Variants in ST8SIA1 observed in about 807,000 individuals in gnomAD.
The protein encoded by ST8SIA1 is ST8 alpha-N-acetyl-neuraminide alpha-2,8-sialyltransferase 1, also known as alpha-N-acetylneuraminide alpha-2,8-sialyltransferase.
In ST8SIA1, 16 loss-of-function variants were observed where a neutral mutation model predicts 35.9. That is an observed-to-expected ratio of 0.45 (90% CI 0.30 to 0.68). ST8SIA1 has a LOEUF of 0.68. ST8SIA1 is among the 30% of genes least tolerant of loss of function. The pLI is 0.09. For synonymous variants in ST8SIA1, 170 were observed against 169.6 expected (o/e 1.00, Z -0.02); for missense variants, 383 against 453.6 (o/e 0.84, Z 1.41).
At chr12:22,269,861 T>C (rs1038973126) in intron 2 of ST8SIA1, among the ~76,000 whole-genome samples, 1 of 152,222 alleles carries the variant, frequency 6.6e-6, no homozygotes, top group African/African-American at 2.4e-5. Context: ...CTGATACATA[T>C]AGCCTGGAGC....
At chr12:22,225,983 G>T (rs995495705) in intron 4 of ST8SIA1, among the ~76,000 whole-genome samples, 2 of 152,170 alleles carry the variant, frequency 1.3e-5, no homozygotes, top group South Asian at 4.1e-4. Flanking sequence ...GCTGGTTTTG[G>T]AATATTTACC....
Position 22,249,111 on chromosome 12 carries a change from G to A in ST8SIA1, c.492-13C>T. ...AGGGAGATTGCATCTAGAGAAACAA[G>A]AACAAACATTTTGGAACAATTTGCA... On this transcript the variant is annotated splice_polypyrimidine_tract_variant and intron_variant, in intron 3 of 4. Transcript: ENST00000396037. 6.4e-7 allele frequency: 1 copy of A among 1,568,010 alleles called. No homozygotes were observed. The highest frequency in any genetic ancestry group is 8.8e-7 in the Non-Finnish European group (1 of 1,139,926).
At chr12:22,263,255 G>A (rs1366538719) in intron 2 of ST8SIA1, among the ~76,000 whole-genome samples, 1 of 152,158 alleles carries the variant, frequency 6.6e-6, no homozygotes, top group East Asian at 1.9e-4. Flanking sequence ...CGTGTTTTAA[G>A]TTTAATATAG....
intron 1 of ST8SIA1, among the ~76,000 whole-genome samples, chr12:22,318,626 G>C (rs984580796): frequency 3.9e-5 from 6 of 152,104 alleles, no homozygotes; most frequent in Admixed American, 2.0e-4. Flanking sequence ...GCAGAGAGAG[G>C]AAAAAAAGAG....
chr12:22,317,443 G>T (rs1866534938), intron 1 of ST8SIA1, among the ~76,000 whole-genome samples: 1 of 152,222 alleles, frequency 6.6e-6, no homozygotes, highest in Non-Finnish European at 1.5e-5. Context: ...GGTCTCTCAT[G>T]AAGTGTAGTC....
At chr12:22,247,239 C>G (rs1048275052) in intron 4 of ST8SIA1, among the ~76,000 whole-genome samples, 2 of 152,060 alleles carry the variant, frequency 1.3e-5, no homozygotes, top group Middle Eastern at 3.4e-3. Context: ...GGTAGAAAAA[C>G]AGAATCTTCT....
rs1434840012 is a variant in ST8SIA1, at chr12:22,194,739, C to T, written c.*6813G>A. On this transcript the variant is annotated 3_prime_UTR_variant, in exon 5 of 5. Coordinates refer to ENST00000396037, the MANE Select transcript of ST8SIA1 (RefSeq NM_003034.4). ...AATTGTGGAAGCAGGATTAGAACCTCCTGTTCTAACTCTAGCTATGCATAG... is the reference window on the plus strand; with the variant it reads ...AATTGTGGAAGCAGGATTAGAACCTTCTGTTCTAACTCTAGCTATGCATAG... 1.3e-5 allele frequency: 2 copies of T among 152,214 alleles called. No homozygotes were observed. The highest frequency in any genetic ancestry group is 2.4e-5 in the African/African-American group (1 of 41,430). The allele number at this position is 152,214 out of a possible 1,614,324, so 9.4% of individuals were successfully genotyped here.
intron 2 of ST8SIA1, chr12:22,286,477 C>T (rs376469427): frequency 9.6e-6 from 5 of 518,718 alleles, no homozygotes; most frequent in African/African-American, 7.7e-5. Context: ...CTGAATTTTT[C>T]CCTAATTGCA....
intron 1 of ST8SIA1, among the ~76,000 whole-genome samples, chr12:22,291,834 A>G (rs1047868528): frequency 3.3e-5 from 5 of 152,222 alleles, no homozygotes; most frequent in Non-Finnish European, 7.3e-5. Flanking sequence ...CAAAAAAATT[A>G]TGAGGAATTA....
In ST8SIA1 at chr12:22,198,175, T is replaced by C. The variant is rs1174384971; in HGVS notation, c.*3377A>G. On this transcript the variant is annotated 3_prime_UTR_variant, in exon 5 of 5. Coordinates refer to ENST00000396037, the MANE Select transcript of ST8SIA1 (RefSeq NM_003034.4). ...TTCCTTTTGCCCCTATGGATCAGCC[T>C]AATTTTTATGACTACACAACAATTT... The C allele has an allele frequency of 6.6e-6, 1 of 152,158 alleles. No homozygotes were observed. The highest frequency in any genetic ancestry group is 1.5e-5 in the Non-Finnish European group (1 of 68,016). The allele number at this position is 152,158 out of a possible 1,614,324, so 9.4% of individuals were successfully genotyped here.
Position 22,334,589 on chromosome 12 carries a change from G to A in ST8SIA1, c.-357C>T, listed in dbSNP as rs895030811. The A allele has an allele frequency of 6.2e-6, 2 of 322,094 alleles. No individual in the cohort carries two copies. Among genetic ancestry groups the A allele is most frequent in the African/African-American group, 4.3e-5 (2 of 46,438 alleles). The allele number at this position is 322,094 out of a possible 1,614,324, so 20.0% of individuals were successfully genotyped here. ...GCAGCATCACGGTCGCCCTCGGCGA[G>A]GGTCCGGGAGAAGGCTCGGCTCCCT... is the stretch of plus-strand genomic sequence containing the variant. On this transcript the variant is annotated 5_prime_UTR_variant, in exon 1 of 5. Transcript: ENST00000396037.
chr12:22,199,979 T>A lies in ST8SIA1; in HGVS notation c.*1573A>T, dbSNP rs1169089214. ...CCCTTCTCTGAAATGTAAACACATT[T>A]GGCTGCTTGTAATCTGTCAGTAGAG... On this transcript the variant is annotated 3_prime_UTR_variant, in exon 5 of 5. Coordinates refer to ENST00000396037, the MANE Select transcript of ST8SIA1 (RefSeq NM_003034.4). 6.6e-6 allele frequency: 1 copy of A among 152,238 alleles called. No homozygotes were observed. The highest frequency in any genetic ancestry group is 2.4e-5 in the African/African-American group (1 of 41,472). The allele number at this position is 152,238 out of a possible 1,614,324, so 9.4% of individuals were successfully genotyped here.
intron 1 of ST8SIA1, among the ~76,000 whole-genome samples, chr12:22,311,118 T>C (rs1039521517): frequency 6.6e-6 from 1 of 152,172 alleles, no homozygotes; most frequent in African/African-American, 2.4e-5. Context: ...TAATCACTCA[T>C]TCATTCATTC....
chr12:22,334,055 C>G lies in ST8SIA1; in HGVS notation c.178G>C (p.Gly60Arg), dbSNP rs756061488. The G allele has an allele frequency of 3.1e-6, 5 of 1,614,126 alleles. No homozygotes were observed. The highest frequency in any genetic ancestry group is 4.5e-5 in the East Asian group (2 of 44,856). Residue 60 changes from glycine to arginine, a missense_variant, in exon 1 of 5, where the codon GGG (glycine) becomes CGG (arginine). Gly to Arg is a moderately radical substitution (Grantham distance 125, BLOSUM62 -2). Transcript: ENST00000396037. The part of the protein sequence containing the change: ...RLPNEKEIVQ[G>R]VLQQGTAWRR... Reference sequence around the variant, plus strand: ...CACGCCGTGCCCTGTTGCAGCACCCCCTGCACGATCTCTTTCTCGTTGGGC... The same window carrying G: ...CACGCCGTGCCCTGTTGCAGCACCCGCTGCACGATCTCTTTCTCGTTGGGC...
In ST8SIA1 at chr12:22,321,042, G is replaced by GAAAGAAAAGAAAAGA. The variant is rs147820055; in HGVS notation, c.236+12954_236+12955insTCTTTTCTTTTCTTT. On this transcript the variant is annotated intron_variant, in intron 1 of 4. Coordinates refer to ENST00000396037, the MANE Select transcript of ST8SIA1 (RefSeq NM_003034.4). ...AGAAAGAAAGAAAGAAAGAGAAAGAGAAAGAAAAGAAAAGGAAGAGTCTGC... is the reference window on the plus strand; with the variant it reads ...AGAAAGAAAGAAAGAAAGAGAAAGAGAAAGAAAAGAAAAGAAAAGAAAAGAAAAGGAAGAGTCTGC... 1.8e-3 allele frequency among the ~76,000 whole-genome samples: 89 copies of GAAAGAAAAGAAAAGA among 49,100 alleles called. 1 individual carries two copies. The highest frequency in any genetic ancestry group is 3.1e-3 in the South Asian group (4 of 1,280). 32.2% of individuals were successfully genotyped at this position (49,100 alleles called of 152,430 possible).
intron 1 of ST8SIA1, among the ~76,000 whole-genome samples, chr12:22,320,991 GAAAGAAAGAAAGAAGAAAGAAAGA>G (rs1254860352): frequency 8.7e-6 from 1 of 114,824 alleles, no homozygotes; most frequent in Non-Finnish European, 1.8e-5. Context: ...AAGAAAGAAA[GAAAGAAAGAAAGAAGAAAGAAAGA>G]AAGAAAGAAA....
At position 22,248,302 on chromosome 12, in the gene ST8SIA1, C is replaced by G. The variant is rs545976091; in HGVS notation, c.584+704G>C. Among the ~76,000 whole-genome samples the G allele has an allele frequency of 9.4e-4, 134 of 143,182 alleles. 1 individual carries two copies. In the South Asian group the frequency reaches 0.021, roughly 22 times the overall value. The allele number at this position is 143,182 out of a possible 152,430, so 93.9% of individuals were successfully genotyped here. On this transcript the variant is annotated intron_variant, in intron 4 of 4. Transcript: ENST00000396037. ...GAGGACCTAAAGCAATGCTTGATTC[C>G]TCTTTCCTTGGAGACGGACTCCTTC...
chr12:22,260,817 G>A (rs112871334), intron 2 of ST8SIA1, among the ~76,000 whole-genome samples: 63 of 149,680 alleles, frequency 4.2e-4, no homozygotes, highest in African/African-American at 1.5e-3. Flanking sequence ...GACCACTGTA[G>A]TATTTAGTCT....
chr12:22,233,992 G>C (rs1865447719), intron 4 of ST8SIA1, among the ~76,000 whole-genome samples: 1 of 152,002 alleles, frequency 6.6e-6, no homozygotes. Flanking sequence ...GGGTGCAGTG[G>C]CTCACGACTT....
Sources: allele counts gnomAD v4.1 joint callset (sites outside exome capture counted in the v4.1 genomes callset), GRCh38; gene constraint gnomAD v4.1.1; transcripts MANE v1.5; gene names NCBI Gene and HGNC (gene_info 2026-07-23, HGNC 2026-07-21).